Variants in CSMD1 observed in about 807,000 individuals in gnomAD.
The protein encoded by CSMD1 is CUB and sushi domain-containing protein 1.
A neutral mutation model predicts 417.5 loss-of-function variants in CSMD1; 213 were observed. The ratio of observed to expected loss-of-function variants is 0.51; its 90% CI spans 0.46 to 0.57. The LOEUF is 0.57. Among genes scored for constraint, CSMD1 ranks in the 20% least tolerant of loss-of-function variants. The probability of loss-of-function intolerance (pLI) is 0.00; values close to 1 mark genes in which losing one functional copy is unlikely to be tolerated. For missense variants in CSMD1, 6,923 were observed against 4,529.7 expected, an observed-to-expected ratio of 1.53 and a Z score of -15.17; for synonymous variants, 2,862 against 1,736.8, an observed-to-expected ratio of 1.65 and a Z score of -16.11.
At chr8:3,885,543 A>C (rs528707143) in intron 5 of CSMD1, among the ~76,000 whole-genome samples, 20 of 152,178 alleles carry the variant, frequency 1.3e-4, no homozygotes, top group South Asian at 2.1e-4. Flanking sequence ...TAGGGAAAAA[A>C]GAACTGTTGC....
chr8:4,486,583 G>C (rs527331665), intron 2 of CSMD1, among the ~76,000 whole-genome samples: 8 of 151,962 alleles, frequency 5.3e-5, no homozygotes, highest in African/African-American at 1.9e-4. Flanking sequence ...GCATATATAA[G>C]AAGTCCATCT....
chr8:3,906,596 G>A (rs981877752), intron 5 of CSMD1, among the ~76,000 whole-genome samples: 1 of 151,292 alleles, frequency 6.6e-6, no homozygotes, highest in South Asian at 2.1e-4. Context: ...CATCATAAAA[G>A]GTAATACTCT....
chr8:4,223,813 G>C (rs1316292584), intron 3 of CSMD1, among the ~76,000 whole-genome samples: 2 of 152,154 alleles, frequency 1.3e-5, no homozygotes, highest in Non-Finnish European at 2.9e-5. Flanking sequence ...ATAACAACCA[G>C]TGAAACTGTT....
chr8:3,564,876 C>T (rs1007231953), intron 10 of CSMD1, among the ~76,000 whole-genome samples: 7 of 151,624 alleles, frequency 4.6e-5, no homozygotes, highest in Non-Finnish European at 7.4e-5. Flanking sequence ...ACGGGTAAGT[C>T]ATAGACAATG....
At chr8:2,953,689 G>A (rs1453638521) in intron 65 of CSMD1, among the ~76,000 whole-genome samples, 1 of 152,110 alleles carries the variant, frequency 6.6e-6, no homozygotes, top group Non-Finnish European at 1.5e-5. Context: ...GCATCTTTGC[G>A]ATTTGCTATA....
At position 3,526,167 on chromosome 8, in the gene CSMD1, G is replaced by C. The variant is rs369427109; in HGVS notation, c.1345-32441C>G. Among the ~76,000 whole-genome samples, 116 of 152,070 alleles carry C rather than the reference G, an allele frequency of 7.6e-4. 3 individuals are homozygous for C. In the South Asian group the frequency reaches 0.023, roughly 31 times the overall value. On this transcript the variant is annotated intron_variant, in intron 10 of 69. Transcript: ENST00000635120. ...CAAGTTTCAATTAATTCAGAAATGT[G>C]GCATATATCATATTTCTGACATTTT...
At chr8:4,750,711 AG>A (rs1466532816) in intron 1 of CSMD1, among the ~76,000 whole-genome samples, 1 of 152,132 alleles carries the variant, frequency 6.6e-6, no homozygotes, top group Non-Finnish European at 1.5e-5. Flanking sequence ...GTTTCCCAAT[AG>A]AAACTTGACT....
chr8:3,757,910 A>G (rs574434678), intron 5 of CSMD1, among the ~76,000 whole-genome samples: 2 of 152,262 alleles, frequency 1.3e-5, no homozygotes, highest in South Asian at 2.1e-4. Context: ...GAAGATAAAC[A>G]GATGATGCAT....
intron 1 of CSMD1, among the ~76,000 whole-genome samples, chr8:4,894,972 T>C (rs1429752414): frequency 1.3e-5 from 2 of 152,186 alleles, no homozygotes; most frequent in Non-Finnish European, 2.9e-5. Context: ...GGGCTCAGCT[T>C]CCACTTTTCT....
At chr8:4,019,542 C>T (rs977770453) in intron 4 of CSMD1, among the ~76,000 whole-genome samples, 1 of 152,184 alleles carries the variant, frequency 6.6e-6, no homozygotes, top group Non-Finnish European at 1.5e-5. Flanking sequence ...ATTCCCCATT[C>T]CCTCTGTGCC....
At chr8:3,336,095 C>A (rs114805839) in intron 23 of CSMD1, among the ~76,000 whole-genome samples, 1 of 152,148 alleles carries the variant, frequency 6.6e-6, no homozygotes. Context: ...AATCCCTATC[C>A]CTCCTGAACC....
intron 2 of CSMD1, among the ~76,000 whole-genome samples, chr8:4,506,265 G>C (rs1041196083): frequency 2.0e-5 from 3 of 151,996 alleles, no homozygotes; most frequent in Non-Finnish European, 4.4e-5. Flanking sequence ...TGTGTTCCAG[G>C]AACAGACGGA....
intron 3 of CSMD1, among the ~76,000 whole-genome samples, chr8:4,225,905 T>A (rs1326583862): frequency 6.6e-6 from 1 of 152,230 alleles, no homozygotes; most frequent in Non-Finnish European, 1.5e-5. Flanking sequence ...TAATTAATTA[T>A]AATTGTCTAA....
chr8:3,889,108 G>A (rs111903059), intron 5 of CSMD1, among the ~76,000 whole-genome samples: 2 of 152,002 alleles, frequency 1.3e-5, no homozygotes, highest in South Asian at 2.1e-4. Context: ...GTTGCTGCAA[G>A]TTAGAAGTTT....
At chr8:4,163,517 G>A (rs924863299) in intron 3 of CSMD1, among the ~76,000 whole-genome samples, 2 of 152,050 alleles carry the variant, frequency 1.3e-5, no homozygotes, top group Non-Finnish European at 2.9e-5. Flanking sequence ...ACATTGTTTT[G>A]TGAAATATTT....
intron 51 of CSMD1, among the ~76,000 whole-genome samples, chr8:3,023,854 CAAAAAAAA>C (rs71199524): frequency 9.2e-6 from 1 of 108,352 alleles, no homozygotes. Context: ...ACTGGGGAGT[CAAAAAAAA>C]AAAAAAAAGG....
intron 12 of CSMD1, among the ~76,000 whole-genome samples, chr8:3,461,379 G>C (rs1307396106): frequency 3.3e-5 from 5 of 152,202 alleles, no homozygotes; most frequent in Non-Finnish European, 7.3e-5. Flanking sequence ...CTGTCCTCTG[G>C]ATGTGGTCTT....
At chr8:4,665,032 C>G (rs1804829096) in intron 1 of CSMD1, among the ~76,000 whole-genome samples, 1 of 152,092 alleles carries the variant, frequency 6.6e-6, no homozygotes, top group Non-Finnish European at 1.5e-5. Flanking sequence ...TTTTAATTTT[C>G]AAACTGTTTA....
intron 2 of CSMD1, among the ~76,000 whole-genome samples, chr8:4,449,126 T>G (rs1388980479): frequency 6.6e-6 from 1 of 152,230 alleles, no homozygotes; most frequent in African/African-American, 2.4e-5. Flanking sequence ...AACAAGCTAA[T>G]GAAGTCTAAC....
Sources: allele counts gnomAD v4.1 joint callset (sites outside exome capture counted in the v4.1 genomes callset), GRCh38; gene constraint gnomAD v4.1.1; transcripts MANE v1.5; gene names NCBI Gene and HGNC (gene_info 2026-07-23, HGNC 2026-07-21).